Variants in DEPDC5 observed in about 807,000 individuals in gnomAD.
The protein encoded by DEPDC5 is GATOR1 complex protein DEPDC5.
In DEPDC5, 73 loss-of-function variants were observed where a neutral mutation model predicts 217.3. That is an observed-to-expected ratio of 0.34 (90% CI 0.28 to 0.41). DEPDC5 has a LOEUF of 0.41. Ranked by LOEUF, DEPDC5 falls within the 10% of genes least tolerant of loss-of-function variation. The pLI is 1.00. For synonymous variants in DEPDC5, 733 were observed against 756.7 expected (o/e 0.97, Z 0.51); for missense variants, 1,675 against 2,070.1 (o/e 0.81, Z 3.70).
At chr22:31,810,077 G>C (rs1466797962) in intron 19 of DEPDC5, among the ~76,000 whole-genome samples, 1 of 152,200 alleles carries the variant, frequency 6.6e-6, no homozygotes, top group African/African-American at 2.4e-5. Context: ...TTCCCTTTGT[G>C]TCATGTATGC....
Position 31,844,932 on chromosome 22 carries a change from A to T in DEPDC5, c.2802-86A>T. 4 of 1,401,316 alleles carry T rather than the reference A, an allele frequency of 2.9e-6. No homozygotes were observed. In the South Asian group the frequency reaches 4.7e-5, roughly 16 times the overall value. 86.8% of individuals were successfully genotyped at this position (1,401,316 alleles called of 1,614,324 possible). ...TACTCATGGGGAGATGGACCTTCAC[A>T]CACCAACTCCACAGAGAGTTTACTG... is the stretch of plus-strand genomic sequence containing the variant. On this transcript the variant is annotated intron_variant, in intron 29 of 42. Coordinates refer to ENST00000651528, the MANE Select transcript of DEPDC5 (RefSeq NM_001242896.3).
At chr22:31,785,731 T>C (rs1601819374) in intron 10 of DEPDC5, among the ~76,000 whole-genome samples, 1 of 152,126 alleles carries the variant, frequency 6.6e-6, no homozygotes, top group Non-Finnish European at 1.5e-5. Flanking sequence ...GTCATCAGAA[T>C]AGTGTGATAT....
intron 14 of DEPDC5, among the ~76,000 whole-genome samples, chr22:31,800,235 TGA>T (rs1396009590): frequency 3.3e-5 from 5 of 152,180 alleles, no homozygotes; most frequent in African/African-American, 1.2e-4. Flanking sequence ...AAACACCCTG[TGA>T]CTAAGAATGT....
chr22:31,901,646 G>A (rs2149419011), intron 40 of DEPDC5, 96 bp from the exon 41 acceptor site: 2 of 1,079,000 alleles, frequency 1.9e-6, no homozygotes, highest in South Asian at 1.4e-5. Flanking sequence ...CAAGGGGACT[G>A]ATTGCCAAGA....
At chr22:31,891,352 A>G (rs771767154) in intron 38 of DEPDC5, 11 of 329,346 alleles carry the variant, frequency 3.3e-5, no homozygotes, top group Admixed American at 9.5e-5. Context: ...CATTCAATTA[A>G]TTTAGCTCAG....
chr22:31,755,020 G>A (rs753781026), intron 2 of DEPDC5, 41 bp downstream of exon 2: 2 of 1,613,082 alleles, frequency 1.2e-6, no homozygotes, highest in Non-Finnish European at 1.7e-6. Flanking sequence ...TAAGTTGGCT[G>A]AGGTTCTGGT....
At chr22:31,840,712 A>C (rs1247536576) in intron 27 of DEPDC5, among the ~76,000 whole-genome samples, 1 of 152,138 alleles carries the variant, frequency 6.6e-6, no homozygotes, top group Non-Finnish European at 1.5e-5. Flanking sequence ...TCTAATTTCT[A>C]TAGTAACAGA....
chr22:31,851,632 T>C (rs1295524449), intron 31 of DEPDC5, among the ~76,000 whole-genome samples: 1 of 152,320 alleles, frequency 6.6e-6, no homozygotes, highest in East Asian at 1.9e-4. Flanking sequence ...TGGATATTTA[T>C]TGAATGATGG....
At chr22:31,813,523 A>G (rs2088686248) in intron 20 of DEPDC5, among the ~76,000 whole-genome samples, 1 of 152,112 alleles carries the variant, frequency 6.6e-6, no homozygotes, top group Non-Finnish European at 1.5e-5. Flanking sequence ...TTCCAGGAGG[A>G]AAGGGAGCAG....
At chr22:31,867,927 G>C (rs1327089194) in intron 33 of DEPDC5, among the ~76,000 whole-genome samples, 5 of 152,162 alleles carry the variant, frequency 3.3e-5, no homozygotes, top group Non-Finnish European at 7.3e-5. Context: ...CAATGCCTAA[G>C]AGCCACTCTT....
At chr22:31,834,543 G>A (rs1323750651) in intron 25 of DEPDC5, among the ~76,000 whole-genome samples, 4 of 147,022 alleles carry the variant, frequency 2.7e-5, no homozygotes, top group Non-Finnish European at 6.0e-5. Context: ...TTGAGACAGT[G>A]TCTTGCTCTG....
chr22:31,796,099 CTTT>C (rs60336012), intron 12 of DEPDC5, among the ~76,000 whole-genome samples: 14 of 127,498 alleles, frequency 1.1e-4, no homozygotes, highest in East Asian at 2.2e-4. Flanking sequence ...TCCACAGTAT[CTTT>C]TTTTTTTTTT....
rs375463545 is a variant in DEPDC5 at position 31,815,076 on chromosome 22, A to G, written c.1530A>G (p.Thr510=). 4.3e-6 allele frequency: 7 copies of G among 1,614,064 alleles called. No individual in the cohort carries two copies. Among genetic ancestry groups the G allele is most frequent in the East Asian group, 4.5e-5 (2 of 44,894 alleles). Residue 510 remains threonine (T), a synonymous_variant, in exon 21 of 43, where the codon ACA becomes ACG. Coordinates refer to ENST00000651528, the MANE Select transcript of DEPDC5 (RefSeq NM_001242896.3). ...CCAGCCCTTCCCTACCAAGCCGCAC[A>G]CTGCCCACTGAGGAAGTGAGGAGCC... ...VSSSPSLPSR[T]LPTEEVRSQA...
chr22:31,787,983 C>T (rs1175429537), intron 10 of DEPDC5, among the ~76,000 whole-genome samples: 1 of 151,934 alleles, frequency 6.6e-6, no homozygotes, highest in Non-Finnish European at 1.5e-5. Flanking sequence ...GCAAAGGCTG[C>T]CCCATTCACC....
intron 8 of DEPDC5, among the ~76,000 whole-genome samples, chr22:31,780,416 A>G (rs1485680044): frequency 6.6e-6 from 1 of 152,158 alleles, no homozygotes; most frequent in Non-Finnish European, 1.5e-5. Flanking sequence ...AGTCTTTTGG[A>G]TGCCTGAGTG....
At position 31,765,054 on chromosome 22, in the gene DEPDC5, C is replaced by T; in HGVS notation, c.273C>T (p.Asp91=). The part of the protein sequence containing the change: ...PYQDVYVNVV[D]PKDVTLDLVE... Reference sequence around the variant, plus strand: ...AGGATGTCTATGTTAATGTCGTAGACCCTAAGGTATGTCTTTGTTTTGTAC... The same window carrying T: ...AGGATGTCTATGTTAATGTCGTAGATCCTAAGGTATGTCTTTGTTTTGTAC... Residue 91 remains aspartate, a synonymous_variant, in exon 5 of 43, where the codon GAC becomes GAT. Coordinates refer to ENST00000651528, the MANE Select transcript of DEPDC5 (RefSeq NM_001242896.3). 1 of 1,613,112 alleles carries T rather than the reference C, an allele frequency of 6.2e-7. No individual in the cohort carries two copies. The highest frequency in any genetic ancestry group is 8.5e-7 in the Non-Finnish European group (1 of 1,179,136).
chr22:31,834,249 C>T, intron 25 of DEPDC5: 1 of 446,658 alleles, frequency 2.2e-6, no homozygotes. Context: ...CATGCTGGTC[C>T]AGAGCTGGCC....
chr22:31,845,565 A>T (rs1328350793), intron 30 of DEPDC5, among the ~76,000 whole-genome samples: 1 of 152,094 alleles, frequency 6.6e-6, no homozygotes, highest in African/African-American at 2.4e-5. Flanking sequence ...AGAAACTCTC[A>T]GGAGGTGAAC....
At chr22:31,871,276 T>C (rs2149236424) in intron 34 of DEPDC5, among the ~76,000 whole-genome samples, 1 of 152,370 alleles carries the variant, frequency 6.6e-6, no homozygotes, top group South Asian at 2.1e-4. Flanking sequence ...GTTTGCTTTA[T>C]AGTAATTATG....
Sources: allele counts gnomAD v4.1 joint callset (sites outside exome capture counted in the v4.1 genomes callset), GRCh38; gene constraint gnomAD v4.1.1; transcripts MANE v1.5; gene names NCBI Gene and HGNC (gene_info 2026-07-23, HGNC 2026-07-21).